The following CTDP1 variants were observed in gnomAD, a reference collection of about 807,000 sequenced individuals.
CTDP1 encodes the protein RNA polymerase II subunit A C-terminal domain phosphatase.
Under a neutral mutation model 91.8 loss-of-function variants are expected in CTDP1, and 47 were observed. That is an observed-to-expected ratio of 0.51 (90% CI 0.41 to 0.65). The LOEUF (loss-of-function observed/expected upper bound fraction) is 0.65, where lower values mean the gene tolerates loss of function less well. Ranked by LOEUF, CTDP1 falls within the 30% of genes least tolerant of loss-of-function variation. The pLI is 0.00. For synonymous variants in CTDP1, 656 were observed against 598.5 expected, an observed-to-expected ratio of 1.10 and a Z score of -1.40; for missense variants, 1,272 against 1,373.7, an observed-to-expected ratio of 0.93 and a Z score of 1.17.
Position 79,715,133 on chromosome 18 carries a change from C to T in CTDP1, c.1673C>T (p.Ser558Leu). ...GACAGGAAGGAGGCGGAGACCGAGTCACAGAACAGCGAGCTGTCGGGGGTC... is the reference window on the plus strand; with the variant it reads ...GACAGGAAGGAGGCGGAGACCGAGTTACAGAACAGCGAGCTGTCGGGGGTC... ...CADRKEAETESQNSELSGVTA... is the reference protein window; with the variant it reads ...CADRKEAETELQNSELSGVTA... Residue 558 changes from serine (S) to leucine (L), a missense_variant, in exon 8 of 13, where the codon TCA becomes TTA. Physicochemically the swap from Ser to Leu is moderately radical, Grantham distance 145. Around this residue, in one of 3 missense-constraint regions of CTDP1, gnomAD observed 881 missense variants for 911.6 expected, o/e 0.97. Transcript: ENST00000613122. 3.7e-6 allele frequency: 6 copies of T among 1,613,548 alleles called. No homozygotes were observed. The highest frequency in any genetic ancestry group is 5.1e-6 in the Non-Finnish European group (6 of 1,179,942).
Position 79,718,608 on chromosome 18 carries a change from T to C in CTDP1, c.2417+592T>C, listed in dbSNP as rs187065055. The stretch of plus-strand genomic sequence containing the variant: ...ATGCTTCCTGAGCATGTGGCCTCTG[T>C]GCCTGTTTGCCCGCGTGGACCCGAG... On this transcript the variant is annotated intron_variant, in intron 10 of 12. Transcript: ENST00000613122. 1.5e-3 allele frequency among the ~76,000 whole-genome samples: 222 copies of C among 152,308 alleles called. 1 individual carries two copies. Among genetic ancestry groups the C allele is most frequent in the African/African-American group, 4.8e-3 (198 of 41,564 alleles).
chr18:79,741,294 A>G (rs1000042246), intron 12 of CTDP1, among the ~76,000 whole-genome samples: 28 of 152,210 alleles, frequency 1.8e-4, no homozygotes, highest in African/African-American at 6.3e-4. Flanking sequence ...CCCTGAGCCT[A>G]TCCTTTTATG....
chr18:79,722,149 A>G (rs1212216678), intron 10 of CTDP1, among the ~76,000 whole-genome samples: 2 of 152,236 alleles, frequency 1.3e-5, no homozygotes, highest in Non-Finnish European at 2.9e-5. Context: ...AGGAATTTCT[A>G]AGATCAATGA....
At chr18:79,698,095 C>T in intron 4 of CTDP1, 107 bp downstream of exon 4, 2 of 1,503,146 alleles carry the variant, frequency 1.3e-6, no homozygotes, top group East Asian at 2.4e-5. Flanking sequence ...CGTAGGTCAG[C>T]CTGGGTTTGG....
intron 12 of CTDP1, among the ~76,000 whole-genome samples, chr18:79,736,811 T>C (rs1327995733): frequency 1.4e-5 from 2 of 144,680 alleles, no homozygotes; most frequent in Admixed American, 6.8e-5. Flanking sequence ...AGGCGTGTGG[T>C]GGGGGTATGC....
intron 9 of CTDP1, 37 bp from the exon 10 acceptor site, chr18:79,717,773 C>CG: frequency 6.2e-7 from 1 of 1,613,688 alleles, no homozygotes; most frequent in Non-Finnish European, 8.5e-7. Context: ...ATCACCCGGA[C>CG]GCCCCGCTCA....
intron 8 of CTDP1, 143 bp from the exon 9 acceptor site, chr18:79,717,392 G>T: frequency 1.7e-6 from 2 of 1,194,730 alleles, no homozygotes; most frequent in East Asian, 2.5e-5. Flanking sequence ...GTCAGGTGAA[G>T]GCCCTGGTGG....
intron 1 of CTDP1, among the ~76,000 whole-genome samples, chr18:79,687,850 C>T (rs1302449349): frequency 6.6e-6 from 1 of 152,208 alleles, no homozygotes; most frequent in Non-Finnish European, 1.5e-5. Context: ...GGTCTGTTTA[C>T]CCAGCAGAGA....
intron 10 of CTDP1, among the ~76,000 whole-genome samples, chr18:79,721,631 T>C (rs1410364962): frequency 1.3e-5 from 2 of 152,170 alleles, no homozygotes; most frequent in African/African-American, 4.8e-5. Flanking sequence ...GCTCGCACTG[T>C]AGTCCCAGTG....
chr18:79,680,125 T>TCCGCCGGGG lies in CTDP1; in HGVS notation c.180_181insGCCGGGGCC (p.Ser60_Ser61insAlaGlyAla), dbSNP rs1179282666. ...GTTCGAGGCCGCCGCCTCCGCGCAG[T>TCCGCCGGGG]CCTCCGGGGCCTCTCAGTCCCGTGT... On this transcript the variant is annotated inframe_insertion, in exon 1 of 13. Coordinates refer to ENST00000613122, the MANE Select transcript of CTDP1 (RefSeq NM_004715.5). 7.5e-5 allele frequency: 107 copies of TCCGCCGGGG among 1,426,750 alleles called. No homozygotes were observed. Among genetic ancestry groups the TCCGCCGGGG allele is most frequent in the Non-Finnish European group, 9.3e-5 (102 of 1,091,584 alleles). 88.4% of individuals were successfully genotyped at this position (1,426,750 alleles called of 1,614,324 possible). A position where few individuals can be genotyped will look rare whatever the true frequency, so the allele number is the denominator to read the frequency against.
At chr18:79,754,783 G>A (rs1400455436), downstream of CTDP1, 2 of 152,282 alleles carry the variant, frequency 1.3e-5, no homozygotes, top group Admixed American at 1.3e-4. Flanking sequence ...GGGATGCGGG[G>A]GCCCGAGAGC....
chr18:79,691,362 C>T (rs2075761170), intron 1 of CTDP1, among the ~76,000 whole-genome samples: 1 of 152,216 alleles, frequency 6.6e-6, no homozygotes, highest in Non-Finnish European at 1.5e-5. Context: ...CAGGTGGCAC[C>T]TGGGCTTGCT....
At chr18:79,715,784 G>A (rs2086194984) in intron 8 of CTDP1, among the ~76,000 whole-genome samples, 1 of 152,218 alleles carries the variant, frequency 6.6e-6, no homozygotes, top group African/African-American at 2.4e-5. Context: ...CCTTCTCCCT[G>A]GAGTAAGCCA....
In CTDP1 at chr18:79,717,691, C is replaced by G; in HGVS notation, c.2210+15C>G. The G allele has an allele frequency of 6.2e-7, 1 of 1,614,006 alleles. No individual in the cohort carries two copies. Among genetic ancestry groups the G allele is most frequent in the South Asian group, 1.1e-5 (1 of 91,092 alleles). ...AAGGCACAGAGGTGGGTCCTCGCTG[C>G]ACCCAGCAGGTCCGTGCCAGGCGTT... On this transcript the variant is annotated intron_variant, in intron 9 of 12. Transcript: ENST00000613122.
At chr18:79,677,738 G>A (rs1383768641), upstream of CTDP1, 1 of 152,054 alleles carries the variant, frequency 6.6e-6, no homozygotes, top group African/African-American at 2.4e-5. Context: ...TGAACCAGGG[G>A]TTCATGGGAA....
intron 12 of CTDP1, among the ~76,000 whole-genome samples, chr18:79,737,329 C>G (rs905322145): frequency 6.6e-6 from 1 of 152,174 alleles, no homozygotes; most frequent in Non-Finnish European, 1.5e-5. Context: ...GAATCTTGTC[C>G]GAGAATCTTA....
chr18:79,697,738 A>G (rs1335668180), intron 3 of CTDP1, 122 bp from the exon 4 acceptor site: 3 of 1,452,620 alleles, frequency 2.1e-6, no homozygotes, highest in East Asian at 2.3e-5. Context: ...GGCGCAGTCC[A>G]TGGAGCGTGG....
intron 12 of CTDP1, among the ~76,000 whole-genome samples, chr18:79,742,256 G>A (rs1282293783): frequency 1.3e-5 from 2 of 149,808 alleles, no homozygotes; most frequent in Non-Finnish European, 3.0e-5. Flanking sequence ...GAGGCCTGAG[G>A]GCAGCAGAGG....
At chr18:79,744,696 A>G (rs571961084) in intron 12 of CTDP1, among the ~76,000 whole-genome samples, 1 of 152,344 alleles carries the variant, frequency 6.6e-6, no homozygotes, top group Non-Finnish European at 1.5e-5. Flanking sequence ...TTGCTAGCAC[A>G]TGTGCACCGG....
Sources: allele counts gnomAD v4.1 joint callset (sites outside exome capture counted in the v4.1 genomes callset), GRCh38; gene constraint gnomAD v4.1.1; regional missense constraint gnomAD v4.1.1; transcripts MANE v1.5; gene names NCBI Gene and HGNC (gene_info 2026-07-23, HGNC 2026-07-21).